Variants in SCHIP1 observed in about 807,000 individuals in gnomAD.
SCHIP1 encodes the protein schwannomin-interacting protein 1.
Under a neutral mutation model 29.7 loss-of-function variants are expected in SCHIP1, and 8 were observed. That is an observed-to-expected ratio of 0.27 (90% CI 0.16 to 0.49). SCHIP1 has a LOEUF of 0.49. SCHIP1 is among the 20% of genes least tolerant of loss of function. SCHIP1 has a pLI of 0.99. For missense variants in SCHIP1, 193 were observed against 294.6 expected (o/e 0.66, Z 2.52); for synonymous variants, 76 against 94.9 (o/e 0.80, Z 1.16).
the SCHIP1 span, among the ~76,000 whole-genome samples, chr3:159,459,329 C>A: frequency 1.3e-5 from 2 of 152,004 alleles, no homozygotes; most frequent in Non-Finnish European, 2.9e-5. Context: ...AAATACTAAT[C>A]AAAAAATTTA....
chr3:159,275,843 T>A, the SCHIP1 span, among the ~76,000 whole-genome samples: 1 of 152,224 alleles, frequency 6.6e-6, no homozygotes, highest in Non-Finnish European at 1.5e-5. Context: ...TTTTCTTTTT[T>A]AAATAACATT....
the SCHIP1 span, among the ~76,000 whole-genome samples, chr3:159,547,187 T>TC: frequency 9.8e-5 from 15 of 152,352 alleles, no homozygotes; most frequent in East Asian, 1.9e-3. Context: ...GAGCTTTTTT[T>TC]CATATGTTTG....
At chr3:159,425,255 TAAAG>T in the SCHIP1 span, among the ~76,000 whole-genome samples, 1 of 152,072 alleles carries the variant, frequency 6.6e-6, no homozygotes, top group African/African-American at 2.4e-5. Context: ...GCAAATTGGA[TAAAG>T]AGTCAAGACC....
the SCHIP1 span, among the ~76,000 whole-genome samples, chr3:159,682,108 G>T: frequency 1.3e-5 from 2 of 152,122 alleles, no homozygotes. Flanking sequence ...AATGTATTTG[G>T]GGAGTTTTTA....
At chr3:159,579,719 A>T in the SCHIP1 span, among the ~76,000 whole-genome samples, 3 of 152,346 alleles carry the variant, frequency 2.0e-5, no homozygotes, top group African/African-American at 7.2e-5. Context: ...GAATGGAAAT[A>T]AATTCAATCT....
chr3:159,737,749 G>A, the SCHIP1 span, among the ~76,000 whole-genome samples: 1 of 152,154 alleles, frequency 6.6e-6, no homozygotes, highest in Admixed American at 6.5e-5. Flanking sequence ...CTGGCAAATA[G>A]ATTTTTAACT....
At chr3:159,316,120 TTTCTTTGG>T in the SCHIP1 span, among the ~76,000 whole-genome samples, 2,304 of 152,176 alleles carry the variant, frequency 0.015, 53 homozygotes, top group African/African-American at 0.053. Context: ...GATGGTAGGA[TTTCTTTGG>T]TTCTTTGGTT....
intron 1 of SCHIP1, among the ~76,000 whole-genome samples, chr3:159,858,478 A>C (rs115166922): frequency 1.3e-5 from 2 of 152,276 alleles, no homozygotes; most frequent in Non-Finnish European, 2.9e-5. Flanking sequence ...CGAAATATTC[A>C]AGTGTTGTGG....
At chr3:159,634,926 CA>C in the SCHIP1 span, among the ~76,000 whole-genome samples, 1 of 152,086 alleles carries the variant, frequency 6.6e-6, no homozygotes, top group African/African-American at 2.4e-5. Context: ...GGGTGGCAAA[CA>C]AAGCAACTAA....
chr3:159,312,289 T>C, the SCHIP1 span, among the ~76,000 whole-genome samples: 6,364 of 152,214 alleles, frequency 0.042, 433 homozygotes, highest in African/African-American at 0.15. Context: ...CTCACATCAA[T>C]GTTCATCACA....
chr3:159,845,532 C>G (rs756068382), intron 1 of SCHIP1: 2 of 152,044 alleles, frequency 1.3e-5, no homozygotes, highest in Non-Finnish European at 2.9e-5. Context: ...ACGCGTCCAC[C>G]ACCATGCCCA....
the SCHIP1 span, among the ~76,000 whole-genome samples, chr3:159,448,632 A>C: frequency 6.6e-6 from 1 of 152,176 alleles, no homozygotes; most frequent in African/African-American, 2.4e-5. Context: ...AACCAAGAGA[A>C]CTTTCTTTGC....
At chr3:159,572,149 T>C in the SCHIP1 span, among the ~76,000 whole-genome samples, 1 of 152,238 alleles carries the variant, frequency 6.6e-6, no homozygotes, top group Admixed American at 6.5e-5. Context: ...ATCTTAGTTA[T>C]TTCTTGCCTT....
At chr3:159,724,549 T>G in the SCHIP1 span, among the ~76,000 whole-genome samples, 2 of 152,252 alleles carry the variant, frequency 1.3e-5, no homozygotes, top group Non-Finnish European at 2.9e-5. Context: ...TAAAATTGAC[T>G]GCCTGAGAAA....
the SCHIP1 span, among the ~76,000 whole-genome samples, chr3:159,710,117 G>A: frequency 0.024 from 3,713 of 152,256 alleles, 77 homozygotes; most frequent in African/African-American, 0.052. Context: ...AAATCTGTAC[G>A]TTGAAGAGAT....
chr3:159,347,131 G>A, the SCHIP1 span, among the ~76,000 whole-genome samples: 374 of 152,214 alleles, frequency 2.5e-3, 10 homozygotes, highest in East Asian at 0.065. Flanking sequence ...ATCTATAGAC[G>A]ATAGTACGTG....
the SCHIP1 span, among the ~76,000 whole-genome samples, chr3:159,368,087 G>A: frequency 1.3e-5 from 2 of 151,804 alleles, no homozygotes; most frequent in African/African-American, 4.8e-5. Flanking sequence ...TTTTTTTCCT[G>A]TCTTGAGTCC....
the SCHIP1 span, among the ~76,000 whole-genome samples, chr3:159,383,325 T>C: frequency 2.0e-5 from 3 of 151,302 alleles, no homozygotes; most frequent in African/African-American, 4.8e-5. Context: ...TTTCTACATA[T>C]GGCTAGCCAG....
At chr3:159,699,275 T>C in the SCHIP1 span, among the ~76,000 whole-genome samples, 2 of 152,228 alleles carry the variant, frequency 1.3e-5, no homozygotes, top group African/African-American at 4.8e-5. Context: ...AATATCCCCA[T>C]TTTACAAACT....
Sources: allele counts gnomAD v4.1 joint callset (sites outside exome capture counted in the v4.1 genomes callset), GRCh38; gene constraint gnomAD v4.1.1; transcripts MANE v1.5; gene names NCBI Gene and HGNC (gene_info 2026-07-23, HGNC 2026-07-21).